Variants in LAD1 observed in about 807,000 individuals in gnomAD.
LAD1 encodes the protein ladinin 1.
A neutral mutation model predicts 54.2 loss-of-function variants in LAD1; 53 were observed. That is an observed-to-expected ratio of 0.98 (90% CI 0.78 to 1.23). LAD1 has a LOEUF of 1.23. Among genes scored for constraint, LAD1 ranks in the 50% most tolerant of loss-of-function variants. The pLI is 0.00. For missense variants in LAD1, 637 were observed against 653.3 expected (o/e 0.98, Z 0.27); for synonymous variants, 231 against 257.7 (o/e 0.90, Z 0.99).
chr1:201,383,510 C>A, intron 5 of LAD1, 121 bp from the exon 6 acceptor site: 1 of 907,542 alleles, frequency 1.1e-6, no homozygotes, highest in Non-Finnish European at 1.8e-6. Flanking sequence ...GAATGTGGCC[C>A]TCCATCACAC....
In LAD1 at chr1:201,380,908, G is replaced by A. The variant is rs1661939363; in HGVS notation, c.*980C>T. On this transcript the variant is annotated 3_prime_UTR_variant, in exon 10 of 10. Transcript: ENST00000391967. ...GGGGTTAACAGGGCACCAGGCTGATGTTCCTAGCTTGGTTGGTTCTAGATT... is the reference window on the plus strand; with the variant it reads ...GGGGTTAACAGGGCACCAGGCTGATATTCCTAGCTTGGTTGGTTCTAGATT... The A allele has an allele frequency of 6.6e-6, 1 of 151,930 alleles. No individual in the cohort carries two copies. The highest frequency in any genetic ancestry group is 1.5e-5 in the Non-Finnish European group (1 of 68,008). The allele number at this position is 151,930 out of a possible 1,614,324, so 9.4% of individuals were successfully genotyped here. A position where few individuals can be genotyped will look rare whatever the true frequency, so the allele number is the denominator to read the frequency against.
At chr1:201,390,271 C>T (rs964939590) in intron 1 of LAD1, among the ~76,000 whole-genome samples, 11 of 150,430 alleles carry the variant, frequency 7.3e-5, no homozygotes, top group East Asian at 2.0e-4. Context: ...TTAGGCCGGG[C>T]GCGGTGGCTC....
chr1:201,393,851 CTTTT>C (rs35169716), intron 1 of LAD1, among the ~76,000 whole-genome samples: 2 of 112,248 alleles, frequency 1.8e-5, no homozygotes, highest in African/African-American at 7.1e-5. Flanking sequence ...TTAAGTTTTG[CTTTT>C]TTTTTTTTTT....
chr1:201,389,153 C>G lies in LAD1; in HGVS notation c.182+7G>C, dbSNP rs1571722333. 3.1e-6 allele frequency: 5 copies of G among 1,613,264 alleles called. No individual in the cohort carries two copies. In the South Asian group the frequency reaches 4.4e-5, roughly 14 times the overall value. ...CCATCCATCAGGATAGAAACCTGAG[C>G]ACCTACCTCTCAGAAGCAGAGGCCT... On this transcript the variant is annotated splice_region_variant and intron_variant, in intron 2 of 9. Coordinates refer to ENST00000391967, the MANE Select transcript of LAD1 (RefSeq NM_005558.4).
chr1:201,389,403 GGCCT>G, intron 1 of LAD1, 100 bp from the exon 2 acceptor site: 1 of 1,359,214 alleles, frequency 7.4e-7, no homozygotes, highest in Non-Finnish European at 9.9e-7. Context: ...ATGCCCTCTA[GGCCT>G]GCACTGGCTA....
Position 201,386,878 on chromosome 1 carries a change from C to G in LAD1, c.483G>C (p.Leu161Phe). 2 of 1,509,924 alleles carry G rather than the reference C, an allele frequency of 1.3e-6. No homozygotes were observed. The highest frequency in any genetic ancestry group is 1.8e-6 in the Non-Finnish European group (2 of 1,136,030). The allele number at this position is 1,509,924 out of a possible 1,614,324, so 93.5% of individuals were successfully genotyped here. Residue 161 changes from leucine to phenylalanine, a missense_variant, in exon 3 of 10, where the codon TTG becomes TTC. Transcript: ENST00000391967. ...TCCTCTCTTCTGGCTCCCTGCCCAC[C>G]AAGCTCTCCTCCTCCAGGGCCCAGG... ...RGPWALEEES[L>F]VGREPEERKK...
chr1:201,382,836 C>T (rs1203297213), intron 7 of LAD1, 97 bp from the exon 8 acceptor site: 2 of 1,010,024 alleles, frequency 2.0e-6, no homozygotes, highest in East Asian at 2.5e-5. Flanking sequence ...CCCTCACTCC[C>T]CTATGCATCC....
chr1:201,390,866 C>T (rs1335182379), intron 1 of LAD1, among the ~76,000 whole-genome samples: 1 of 152,172 alleles, frequency 6.6e-6, no homozygotes. Flanking sequence ...ATGGGAGGGC[C>T]TCCATCACCG....
Position 201,386,686 on chromosome 1 carries a change from GTTTCT to G in LAD1, c.670_674del (p.Arg224GlnfsTer15). 6.2e-7 allele frequency: 1 copy of G among 1,614,198 alleles called. No individual in the cohort carries two copies. Among genetic ancestry groups the G allele is most frequent in the Non-Finnish European group, 8.5e-7 (1 of 1,180,024 alleles). On this transcript the variant is annotated frameshift_variant, in exon 3 of 10. Transcript: ENST00000391967. LOFTEE classifies it high-confidence loss of function. ...CTAGAACAGACTTCTTCTCTGAGCT[GTTTCT>G]TTTCTCTGACACTGCTATCTTCTCT...
At position 201,386,566 on chromosome 1, in the gene LAD1, C is replaced by T. The variant is rs1319745578; in HGVS notation, c.795G>A (p.Lys265=). The T allele has an allele frequency of 1.2e-6, 2 of 1,613,960 alleles. No homozygotes were observed. The highest frequency in any genetic ancestry group is 1.7e-6 in the Non-Finnish European group (2 of 1,179,940). Residue 265 remains lysine (K), a synonymous_variant, in exon 3 of 10, where the codon AAG becomes AAA. Transcript: ENST00000391967. ...LVSEKASIFE[K]ALASEKSPTA... ...TTGGGCTCTTCTCTGAGGCCAGTGC[C>T]TTCTCAAAGATGGAAGCTTTCTCAG... is the stretch of plus-strand genomic sequence containing the variant.
At chr1:201,387,990 C>A (rs1371234684) in intron 2 of LAD1, among the ~76,000 whole-genome samples, 1 of 152,118 alleles carries the variant, frequency 6.6e-6, no homozygotes, top group Admixed American at 6.5e-5. Context: ...ATGAGGGTGC[C>A]CAGGACAGTC....
rs1352291986 is a variant in LAD1 at position 201,382,580 on chromosome 1, TGTC to T, written c.1473+70_1473+72del. ...CCGAAATGACTCCTCCTCTCCCGAC[TGTC>T]CCTCCTCTGTCCCCAGTCATCCCAC... On this transcript the variant is annotated intron_variant, in intron 8 of 9. Coordinates refer to ENST00000391967, the MANE Select transcript of LAD1 (RefSeq NM_005558.4). The T allele has an allele frequency of 7.1e-6, 9 of 1,262,210 alleles. No homozygotes were observed. The African/African-American group carries it at 1.1e-4, about 15-fold the overall frequency. The allele number at this position is 1,262,210 out of a possible 1,614,324, so 78.2% of individuals were successfully genotyped here. A position where few individuals can be genotyped will look rare whatever the true frequency, so the allele number is the denominator to read the frequency against.
chr1:201,388,361 CGGGG>C (rs1662135313), intron 2 of LAD1, among the ~76,000 whole-genome samples: 1 of 148,816 alleles, frequency 6.7e-6, no homozygotes, highest in African/African-American at 2.5e-5. Flanking sequence ...GCACTCCAGC[CGGGG>C]TGACAGAGCA....
intron 1 of LAD1, among the ~76,000 whole-genome samples, chr1:201,391,493 A>G (rs1318100271): frequency 6.6e-6 from 1 of 152,226 alleles, no homozygotes; most frequent in Non-Finnish European, 1.5e-5. Context: ...CTGAATGACT[A>G]TGACAAGCCA....
intron 3 of LAD1, 125 bp from the exon 4 acceptor site, chr1:201,385,930 C>G: frequency 1.4e-6 from 1 of 713,572 alleles, no homozygotes; most frequent in Non-Finnish European, 2.5e-6. Flanking sequence ...CCTGTGCCTT[C>G]TCTCCTGCCT....
intron 1 of LAD1, among the ~76,000 whole-genome samples, chr1:201,392,424 C>T (rs182476278): frequency 1.4e-3 from 220 of 152,318 alleles, no homozygotes; most frequent in Non-Finnish European, 2.5e-3. Flanking sequence ...CTAAGTGTCA[C>T]TAGGACAAGG....
intron 2 of LAD1, 24 bp from the exon 3 acceptor site, chr1:201,387,202 A>C (rs1281140149): frequency 6.7e-7 from 1 of 1,487,386 alleles, no homozygotes. Flanking sequence ...TGGGAGACAG[A>C]ATCAGAGGAT....
intron 1 of LAD1, among the ~76,000 whole-genome samples, chr1:201,394,340 G>A (rs1285109307): frequency 6.6e-6 from 1 of 152,170 alleles, no homozygotes; most frequent in Non-Finnish European, 1.5e-5. Flanking sequence ...CACCCCAAGG[G>A]GAAAGGAAGT....
At chr1:201,384,175 ATT>A (rs1662026731) in intron 5 of LAD1, among the ~76,000 whole-genome samples, 1 of 151,918 alleles carries the variant, frequency 6.6e-6, no homozygotes, top group East Asian at 1.9e-4. Flanking sequence ...CAGCTGTGTC[ATT>A]TGTCTTTGTA....
Sources: allele counts gnomAD v4.1 joint callset (sites outside exome capture counted in the v4.1 genomes callset), GRCh38; gene constraint gnomAD v4.1.1; transcripts MANE v1.5; gene names NCBI Gene and HGNC (gene_info 2026-07-23, HGNC 2026-07-21).